The following TAF1C variants were observed in gnomAD, a reference collection of about 807,000 sequenced individuals.
TAF1C encodes the protein TATA-box binding protein associated factor, RNA polymerase I subunit C, also known as TATA box-binding protein-associated factor RNA polymerase I subunit C.
A neutral mutation model predicts 70.5 loss-of-function variants in TAF1C; 79 were observed. That is an observed-to-expected ratio of 1.12 (90% CI 0.93 to 1.35). The LOEUF is 1.35. Among genes scored for constraint, TAF1C ranks in the 40% most tolerant of loss-of-function variants. The pLI is 0.00. For synonymous variants in TAF1C, 614 were observed against 491.1 expected (o/e 1.25, Z -3.31); for missense variants, 1,412 against 1,127.8 (o/e 1.25, Z -3.61).
intron 12 of TAF1C, chr16:84,180,632 G>A (rs775997584): frequency 3.2e-5 from 20 of 618,470 alleles, no homozygotes; most frequent in African/African-American, 1.7e-4. Context: ...TGGCCTTCTC[G>A]CAGCCACCCC....
chr16:84,182,461 G>T lies in TAF1C; in HGVS notation c.483-21C>A, dbSNP rs1266692840. 6.3e-7 allele frequency: 1 copy of T among 1,588,576 alleles called. No homozygotes were observed. Among genetic ancestry groups the T allele is most frequent in the African/African-American group, 1.3e-5 (1 of 74,784 alleles). On this transcript the variant is annotated intron_variant, in intron 6 of 14. Coordinates refer to ENST00000566732, the MANE Select transcript of TAF1C (RefSeq NM_001243156.2). The surrounding 1 kb of genome is among the most constrained non-coding windows in gnomAD (Gnocchi z 5.0). ...GACACCTGGGGACCAGAGAACAGCA[G>T]GAGGATCACTCGGTGGCACTCAGGG...
chr16:84,185,327 G>T (rs2089422844), intron 1 of TAF1C: 1 of 190,194 alleles, frequency 5.3e-6, no homozygotes. Context: ...AGGGTTCCAG[G>T]CCGAACGGTC....
rs76794820 is a variant in TAF1C at position 84,186,242 on chromosome 16, A to G, written c.-73+659T>C. The stretch of plus-strand genomic sequence containing the variant: ...ACCGAAATGCAAACGCTAGCATTAG[A>G]GTCTCGCTATACAAAAATCTTTTCC... On this transcript the variant is annotated intron_variant, in intron 1 of 14. Coordinates refer to ENST00000566732, the MANE Select transcript of TAF1C (RefSeq NM_001243156.2). Among the ~76,000 whole-genome samples the G allele has an allele frequency of 5.4e-3, 828 of 152,266 alleles. 7 individuals carry two copies. The highest frequency in any genetic ancestry group is 0.019 in the African/African-American group (780 of 41,534).
rs1282232563 is a variant in TAF1C, at chr16:84,182,679, A to C, written c.483-239T>G. 1.3e-5 allele frequency among the ~76,000 whole-genome samples: 2 copies of C among 152,332 alleles called. No homozygotes were observed. The highest frequency in any genetic ancestry group is 2.9e-5 in the Non-Finnish European group (2 of 68,016). Reference sequence around the variant, plus strand: ...GGTTCACAGATGGGTGTGAGACCCAAGCCAAGCCAACCAAAGTCCTTTCTG... The same window carrying C: ...GGTTCACAGATGGGTGTGAGACCCACGCCAAGCCAACCAAAGTCCTTTCTG... On this transcript the variant is annotated intron_variant, in intron 6 of 14. Transcript: ENST00000566732. This position sits in a 1 kb window ranked among gnomAD's most constrained non-coding sequence, Gnocchi z 5.0.
At position 84,178,086 on chromosome 16, in the gene TAF1C, A is replaced by G. The variant is rs2088842686; in HGVS notation, c.*855T>C. On this transcript the variant is annotated 3_prime_UTR_variant, in exon 15 of 15. Transcript: ENST00000566732. Reference sequence around the variant, plus strand: ...AGCATTTTCCCCACAGGAAAACAGAATCTTCCACTGCAGCTAGAGAAACTC... The same window carrying G: ...AGCATTTTCCCCACAGGAAAACAGAGTCTTCCACTGCAGCTAGAGAAACTC... 2.1e-6 allele frequency: 1 copy of G among 484,494 alleles called. No homozygotes were observed. Among genetic ancestry groups the G allele is most frequent in the East Asian group, 4.2e-5 (1 of 23,830 alleles). The allele number at this position is 484,494 out of a possible 1,614,324, so 30.0% of individuals were successfully genotyped here. A position where few individuals can be genotyped will look rare whatever the true frequency, so the allele number is the denominator to read the frequency against.
intron 1 of TAF1C, chr16:84,185,713 C>G (rs1209495535): frequency 6.6e-6 from 1 of 152,212 alleles, no homozygotes; most frequent in Non-Finnish European, 1.5e-5. Context: ...CTGGCCTGAC[C>G]AATGTGGAGA....
chr16:84,184,872 C>G lies in TAF1C; in HGVS notation c.117G>C (p.Glu39Asp). Residue 39 changes from glutamate to aspartate, a missense_variant, in exon 2 of 15, where the codon GAG (glutamate) becomes GAC (aspartate). Coordinates refer to ENST00000566732, the MANE Select transcript of TAF1C (RefSeq NM_001243156.2). ...CSWRDALTLP[E>D]AQPQNSENGA... ...TCACCTCTGAGTTCTGGGGCTGGGC[C>G]TCTGGCAGAGTCAGTGCGTCTCGCC... 2 of 1,608,736 alleles carry G rather than the reference C, an allele frequency of 1.2e-6. No individual in the cohort carries two copies. The highest frequency in any genetic ancestry group is 8.5e-7 in the Non-Finnish European group (1 of 1,177,816).
intron 12 of TAF1C, 172 bp from the exon 13 acceptor site, chr16:84,180,516 C>A: frequency 1.4e-6 from 1 of 690,058 alleles, no homozygotes; most frequent in Non-Finnish European, 2.3e-6. Flanking sequence ...TGAACAGGTG[C>A]CGCTTCCTTC....
intron 1 of TAF1C, 93 bp from the exon 2 acceptor site, chr16:84,185,153 G>A (rs1367102313): frequency 1.6e-5 from 13 of 832,824 alleles, no homozygotes; most frequent in Non-Finnish European, 2.3e-5. Context: ...AAGCAGTAGT[G>A]AGAACTGTAT....
In TAF1C at chr16:84,182,302, C is replaced by T; in HGVS notation, c.621G>A (p.Leu207=). 1 of 1,612,852 alleles carries T rather than the reference C, an allele frequency of 6.2e-7. No homozygotes were observed. Among genetic ancestry groups the T allele is most frequent in the Non-Finnish European group, 8.5e-7 (1 of 1,179,930 alleles). ...GCGCGCCCCCAGTGCAGGCCTCATC[C>T]AGAAGCAGCTGCTCCCACCGCAGCA... The part of the protein sequence containing the change: ...ELVLRWEQLL[L]DEACTGGALA... Residue 207 remains leucine, a synonymous_variant, in exon 7 of 15, where the codon CTG becomes CTA. Coordinates refer to ENST00000566732, the MANE Select transcript of TAF1C (RefSeq NM_001243156.2). This position sits in a 1 kb window ranked among gnomAD's most constrained non-coding sequence, Gnocchi z 5.0.
Position 84,179,542 on chromosome 16 carries a change from C to T in TAF1C, c.1931G>A (p.Arg644Gln), listed in dbSNP as rs763601000. Residue 644 changes from arginine to glutamine, a missense_variant, in exon 15 of 15, where the codon CGG becomes CAG. By Grantham distance (43) the Arg-to-Gln change is conservative (BLOSUM62 1). Transcript: ENST00000566732. The stretch of plus-strand genomic sequence containing the variant: ...CCGCTGCCCTTCCTCTTCCTCCCTC[C>T]GCAGCTCTGTGCTGCCCAGCATCTG... ...HRQMLGSTEL[R>Q]REEEEGQRLG... is the part of the protein sequence containing the mutation. The T allele has an allele frequency of 8.7e-6, 14 of 1,610,628 alleles. No individual in the cohort carries two copies. The highest frequency in any genetic ancestry group is 1.7e-5 in the Admixed American group (1 of 59,970).
In TAF1C at chr16:84,181,990, G is replaced by A. The variant is rs1378446784; in HGVS notation, c.790C>T (p.Leu264Phe). ...QFLGKPGRIQ[L>F]QGPVRQVVTC... is the part of the protein sequence containing the mutation. The stretch of plus-strand genomic sequence containing the variant: ...ACCACTTGCCGGACAGGTCCCTGGA[G>A]CTGGATGCGTCCAGGTTTCCCAAGG... The change falls in exon 8 of 15, where the codon CTC (leucine) becomes TTC (phenylalanine). Residue 264 changes from leucine (L) to phenylalanine (F), a missense_variant. By Grantham distance (22) the Leu-to-Phe change is conservative. Coordinates refer to ENST00000566732, the MANE Select transcript of TAF1C (RefSeq NM_001243156.2). The A allele has an allele frequency of 6.2e-7, 1 of 1,613,764 alleles. No homozygotes were observed. The highest frequency in any genetic ancestry group is 1.1e-5 in the South Asian group (1 of 91,084).
In TAF1C at chr16:84,182,253, G is replaced by T; in HGVS notation, c.670C>A (p.Pro224Thr). ...GGGTAGACCAGCTGCCCGAACTGGGGTGTCCTTCCAGGAACCCAGGCCAGC... is the reference window on the plus strand; with the variant it reads ...GGGTAGACCAGCTGCCCGAACTGGGTTGTCCTTCCAGGAACCCAGGCCAGC... ...GALAWVPGRT[P>T]QFGQLVYPAG... is the part of the protein sequence containing the mutation. The change falls in exon 7 of 15, where the codon CCC becomes ACC. Residue 224 changes from proline to threonine, a missense_variant. Transcript: ENST00000566732. This position sits in a 1 kb window ranked among gnomAD's most constrained non-coding sequence, Gnocchi z 5.0. 1.2e-6 allele frequency: 2 copies of T among 1,613,056 alleles called. No homozygotes were observed. Among genetic ancestry groups the T allele is most frequent in the Non-Finnish European group, 1.7e-6 (2 of 1,179,968 alleles).
rs770925328 is a variant in TAF1C at position 84,179,820 on chromosome 16, T to C, written c.1653A>G (p.Ser551=). 4 of 1,608,854 alleles carry C rather than the reference T, an allele frequency of 2.5e-6. No homozygotes were observed. In the Admixed American group the frequency reaches 5.0e-5, roughly 20 times the overall value. The change falls in exon 15 of 15, where the codon TCA becomes TCG. Residue 551 remains serine, a synonymous_variant. Transcript: ENST00000566732. ...GLAAVVPPLP[S]APTPGLVLFQ... is the part of the protein sequence containing the mutation. The stretch of plus-strand genomic sequence containing the variant: ...AGAGCACCAGGCCTGGTGTGGGCGC[T>C]GAGGGCAAGGGCGGGACGACGGCAG...
rs914494129 is a variant in TAF1C, at chr16:84,182,121, C to T, written c.722-63G>A. The stretch of plus-strand genomic sequence containing the variant: ...TCACTGCAAGCCCCCCAAATTCCTG[C>T]CCTTCTCTGGACCATGCCAAGAGCA... On this transcript the variant is annotated intron_variant, in intron 7 of 14. Coordinates refer to ENST00000566732, the MANE Select transcript of TAF1C (RefSeq NM_001243156.2). This position sits in a 1 kb window ranked among gnomAD's most constrained non-coding sequence, Gnocchi z 5.0. 1.6e-5 allele frequency: 25 copies of T among 1,592,440 alleles called. No individual in the cohort carries two copies. The Admixed American group carries it at 2.0e-4, about 13-fold the overall frequency.
Position 84,178,892 on chromosome 16 carries a change from G to A in TAF1C, c.*49C>T, listed in dbSNP as rs200977680. The A allele has an allele frequency of 7.9e-6, 12 of 1,515,030 alleles. No homozygotes were observed. The highest frequency in any genetic ancestry group is 4.5e-5 in the East Asian group (2 of 44,168). The allele number at this position is 1,515,030 out of a possible 1,614,324, so 93.8% of individuals were successfully genotyped here. On this transcript the variant is annotated 3_prime_UTR_variant, in exon 15 of 15. Coordinates refer to ENST00000566732, the MANE Select transcript of TAF1C (RefSeq NM_001243156.2). ...TGTGGAAGGCACATCTGGTCCCAGA[G>A]GAAGGATGAGGGGCTCTCTGGGGCT...
rs143762169 is a variant in TAF1C, at chr16:84,179,117, G to A, written c.2356C>T (p.Arg786Trp). ...GCCATGTAGTCACGGAGCATCTGCCGCTGCTCTGATGGGACGCCCTGGGCG... is the reference window on the plus strand; with the variant it reads ...GCCATGTAGTCACGGAGCATCTGCCACTGCTCTGATGGGACGCCCTGGGCG... Reference protein sequence around the residue: ...ACAQGVPSEQRQMLRDYMAKL... With the variant: ...ACAQGVPSEQWQMLRDYMAKL... The change falls in exon 15 of 15, where the codon CGG becomes TGG. Residue 786 changes from arginine (R) to tryptophan (W), a missense_variant. Coordinates refer to ENST00000566732, the MANE Select transcript of TAF1C (RefSeq NM_001243156.2). 43 of 1,608,962 alleles carry A rather than the reference G, an allele frequency of 2.7e-5. 1 individual carries two copies. Among genetic ancestry groups the A allele is most frequent in the South Asian group, 2.0e-4 (18 of 90,978 alleles).
rs927664638 is a variant in TAF1C at position 84,179,367 on chromosome 16, T to G, written c.2106A>C (p.Arg702=). ...SERLGEAWAG[R]GAAWWERQQG... ...GCTGCCTCTCCCACCAGGCAGCCCC[T>G]CGGCCTGCCCAGGCTTCCCCCAGGC... Residue 702 remains arginine, a synonymous_variant, in exon 15 of 15, where the codon CGA becomes CGC. Coordinates refer to ENST00000566732, the MANE Select transcript of TAF1C (RefSeq NM_001243156.2). 2.0e-5 allele frequency: 32 copies of G among 1,600,194 alleles called. No homozygotes were observed. The highest frequency in any genetic ancestry group is 4.0e-5 in the African/African-American group (3 of 74,874).
intron 2 of TAF1C, 151 bp downstream of exon 2, chr16:84,184,700 G>T: frequency 1.0e-6 from 1 of 987,576 alleles, no homozygotes; most frequent in Non-Finnish European, 1.4e-6. Context: ...GGTAGCCCAT[G>T]TACCCCAGAG....
Sources: gnomAD v4.1 joint callset for allele counts (sites outside exome capture counted in the v4.1 genomes callset) on GRCh38, gnomAD v4.1.1 for gene constraint, Gnocchi (gnomAD v3.1) non-coding constraint, MANE v1.5 for transcripts, NCBI Gene and HGNC (gene_info 2026-07-23, HGNC 2026-07-21) for gene names.